LINGO2: variants seen among roughly 807,000 people sequenced by gnomAD.
LINGO2 encodes the protein leucine-rich repeat and immunoglobulin-like domain-containing nogo receptor-interacting protein 2.
Under a neutral mutation model 30.6 loss-of-function variants are expected in LINGO2, and 14 were observed. The observed-to-expected ratio is 0.46, with a 90% CI of 0.30 to 0.72. The LOEUF is 0.72. Ranked by LOEUF, LINGO2 falls within the 30% of genes least tolerant of loss-of-function variation. LINGO2 has a pLI of 0.07. For synonymous variants in LINGO2, 317 were observed against 288.5 expected (o/e 1.10, Z -1.00); for missense variants, 729 against 751.7 (o/e 0.97, Z 0.35).
At chr9:29,003,393 C>T in the LINGO2 span, among the ~76,000 whole-genome samples, 9 of 151,852 alleles carry the variant, frequency 5.9e-5, no homozygotes, top group African/African-American at 2.2e-4. Context: ...CTATCATTAT[C>T]CCACAGGAAC....
chr9:28,807,870 C>A, the LINGO2 span, among the ~76,000 whole-genome samples: 1 of 151,994 alleles, frequency 6.6e-6, no homozygotes, highest in African/African-American at 2.4e-5. Context: ...CATTTAATAA[C>A]CTCAGTGTCT....
intron 5 of LINGO2, among the ~76,000 whole-genome samples, chr9:27,969,995 T>G (rs1384921369): frequency 2.6e-5 from 4 of 152,190 alleles, no homozygotes; most frequent in Admixed American, 2.6e-4. Flanking sequence ...TACAATTTAC[T>G]AGTTTCAGCT....
intron 1 of LINGO2, among the ~76,000 whole-genome samples, chr9:28,554,509 G>T (rs1396809664): frequency 6.8e-6 from 1 of 147,602 alleles, no homozygotes; most frequent in Non-Finnish European, 1.5e-5. Context: ...CAAGTCCTGA[G>T]TGACCTACAA....
chr9:28,923,529 G>A, the LINGO2 span, among the ~76,000 whole-genome samples: 3 of 152,152 alleles, frequency 2.0e-5, no homozygotes, highest in Non-Finnish European at 2.9e-5. Context: ...CCAAGTATCT[G>A]AAAAAGAGAC....
intron 4 of LINGO2, among the ~76,000 whole-genome samples, chr9:28,143,633 A>C (rs1005122345): frequency 5.3e-5 from 8 of 152,126 alleles, no homozygotes; most frequent in African/African-American, 1.7e-4. Context: ...GATGGTTTTC[A>C]GTTGGTTTTT....
At chr9:28,022,656 CTCCT>C (rs1281640241) in intron 4 of LINGO2, among the ~76,000 whole-genome samples, 6 of 149,018 alleles carry the variant, frequency 4.0e-5, no homozygotes, top group African/African-American at 1.2e-4. Flanking sequence ...CTTTTTCTCT[CTCCT>C]TCCTTCCTTT....
chr9:29,036,637 T>G, the LINGO2 span, among the ~76,000 whole-genome samples: 1 of 152,014 alleles, frequency 6.6e-6, no homozygotes, highest in South Asian at 2.1e-4. Flanking sequence ...TAGTGAACAG[T>G]GCAATTAGCT....
chr9:28,678,402 ACTT>A, the LINGO2 span, among the ~76,000 whole-genome samples: 1 of 152,196 alleles, frequency 6.6e-6, no homozygotes, highest in South Asian at 2.1e-4. Flanking sequence ...CCAAATGAAT[ACTT>A]CTTTCTAAAT....
the LINGO2 span, among the ~76,000 whole-genome samples, chr9:29,148,492 T>C: frequency 6.6e-6 from 1 of 152,168 alleles, no homozygotes; most frequent in Admixed American, 6.5e-5. Context: ...GGCCCCCCTA[T>C]AATCTGTTCA....
At chr9:28,040,355 G>T (rs1824142074) in intron 4 of LINGO2, among the ~76,000 whole-genome samples, 1 of 151,650 alleles carries the variant, frequency 6.6e-6, no homozygotes, top group Non-Finnish European at 1.5e-5. Flanking sequence ...TGAATTGGAA[G>T]GTTCCTAGCA....
At chr9:28,265,096 T>G (rs1438591958) in intron 4 of LINGO2, among the ~76,000 whole-genome samples, 1 of 151,944 alleles carries the variant, frequency 6.6e-6, no homozygotes, top group Admixed American at 6.6e-5. Flanking sequence ...GGCTTTGAAT[T>G]ACCAGCCCCA....
intron 5 of LINGO2, among the ~76,000 whole-genome samples, chr9:27,991,414 G>C (rs1930011): frequency 0.65 from 98,615 of 151,820 alleles, 32,445 homozygotes; most frequent in African/African-American, 0.72. Flanking sequence ...CATAAGCCCT[G>C]GCAATCTGTG....
chr9:28,242,857 C>G (rs1227258374), intron 4 of LINGO2, among the ~76,000 whole-genome samples: 1 of 152,174 alleles, frequency 6.6e-6, no homozygotes, highest in Non-Finnish European at 1.5e-5. Flanking sequence ...CCTGGAATTT[C>G]ATATCCAGCC....
chr9:29,159,654 C>T, the LINGO2 span, among the ~76,000 whole-genome samples: 4 of 151,900 alleles, frequency 2.6e-5, no homozygotes, highest in East Asian at 1.9e-4. Flanking sequence ...GTCAGGAGTT[C>T]GAGACAAGCC....
chr9:29,194,808 T>G, the LINGO2 span, among the ~76,000 whole-genome samples: 1 of 152,212 alleles, frequency 6.6e-6, no homozygotes, highest in African/African-American at 2.4e-5. Flanking sequence ...TTCAAAATAA[T>G]AATACAATAT....
chr9:28,319,910 A>G (rs1225038659), intron 3 of LINGO2, among the ~76,000 whole-genome samples: 1 of 152,134 alleles, frequency 6.6e-6, no homozygotes, highest in African/African-American at 2.4e-5. Context: ...AAAAGGTATT[A>G]ATGCTTCACT....
the LINGO2 span, among the ~76,000 whole-genome samples, chr9:28,904,980 T>C: frequency 9.9e-5 from 15 of 152,090 alleles, no homozygotes; most frequent in East Asian, 2.9e-3. Flanking sequence ...CACGCATTTA[T>C]AGACAATTAA....
the LINGO2 span, among the ~76,000 whole-genome samples, chr9:28,860,770 T>G: frequency 6.7e-6 from 1 of 148,818 alleles, no homozygotes; most frequent in Non-Finnish European, 1.5e-5. Context: ...ATATAGTCAA[T>G]GATGATGCAA....
At chr9:28,868,924 T>C in the LINGO2 span, among the ~76,000 whole-genome samples, 8 of 152,088 alleles carry the variant, frequency 5.3e-5, no homozygotes, top group East Asian at 1.5e-3. Context: ...ATATACACAA[T>C]TATCATTTAC....
Sources: gnomAD v4.1 joint callset for allele counts (sites outside exome capture counted in the v4.1 genomes callset) on GRCh38, gnomAD v4.1.1 for gene constraint, MANE v1.5 for transcripts, NCBI Gene and HGNC (gene_info 2026-07-23, HGNC 2026-07-21) for gene names.